The following DLG2 variants were observed in gnomAD, a reference collection of about 807,000 sequenced individuals.
DLG2 encodes the protein discs large MAGUK scaffold protein 2.
Under a neutral mutation model 132.5 loss-of-function variants are expected in DLG2, and 45 were observed. The observed-to-expected ratio is 0.34, with a 90% confidence interval of 0.27 to 0.44. The LOEUF (loss-of-function observed/expected upper bound fraction) is 0.44. Ranked by LOEUF, DLG2 falls within the 20% of genes least tolerant of loss-of-function variation. The pLI is 1.00. For missense variants in DLG2, 1,045 were observed against 1,196.9 expected (o/e 0.87, Z 1.87); for synonymous variants, 424 against 419.6 (o/e 1.01, Z -0.13).
intron 21 of DLG2, among the ~76,000 whole-genome samples, chr11:83,499,852 GATATATATAT>G (rs60890814): frequency 1.1e-3 from 69 of 61,642 alleles, no homozygotes; most frequent in Admixed American, 2.8e-3. Flanking sequence ...ACTAATAGGA[GATATATATAT>G]ATATATATAT....
intron 7 of DLG2, chr11:84,272,177 G>A (rs954709727): frequency 3.3e-6 from 1 of 299,374 alleles, no homozygotes; most frequent in South Asian, 2.8e-5. Context: ...TCAATTAGAA[G>A]AGCTTCAAAT....
At chr11:85,078,128 A>G (rs1318161903) in intron 6 of DLG2, among the ~76,000 whole-genome samples, 2 of 151,282 alleles carry the variant, frequency 1.3e-5, no homozygotes, top group Non-Finnish European at 2.9e-5. Context: ...AAACCGTGCA[A>G]AACAATATAT....
At chr11:84,413,733 G>A (rs893365641) in intron 7 of DLG2, among the ~76,000 whole-genome samples, 1 of 152,196 alleles carries the variant, frequency 6.6e-6, no homozygotes, top group Non-Finnish European at 1.5e-5. Context: ...GACATTACTT[G>A]AAAATAAGGA....
At chr11:84,452,511 C>T (rs1242595324) in intron 7 of DLG2, among the ~76,000 whole-genome samples, 3 of 151,604 alleles carry the variant, frequency 2.0e-5, no homozygotes, top group African/African-American at 7.3e-5. Flanking sequence ...AGAATTATTA[C>T]AGTTATCAAA....
At chr11:84,912,010 A>AG (rs2092103837) in intron 6 of DLG2, among the ~76,000 whole-genome samples, 1 of 152,208 alleles carries the variant, frequency 6.6e-6, no homozygotes, top group African/African-American at 2.4e-5. Flanking sequence ...CAAAGGAGTT[A>AG]GGTCCTAGCC....
At chr11:83,968,203 T>C (rs138627015) in intron 12 of DLG2, among the ~76,000 whole-genome samples, 1 of 152,340 alleles carries the variant, frequency 6.6e-6, no homozygotes, top group Non-Finnish European at 1.5e-5. Context: ...GCAGCACTAC[T>C]ATTCGTAATC....
chr11:84,415,964 C>T (rs892697132), intron 7 of DLG2, among the ~76,000 whole-genome samples: 29 of 151,960 alleles, frequency 1.9e-4, no homozygotes, highest in African/African-American at 7.0e-4. Context: ...TATTTTTTTC[C>T]TCCTTCTCTA....
At chr11:84,951,093 C>G (rs2050851370) in intron 6 of DLG2, among the ~76,000 whole-genome samples, 1 of 152,056 alleles carries the variant, frequency 6.6e-6, no homozygotes, top group Non-Finnish European at 1.5e-5. Flanking sequence ...TTAGTTTTGC[C>G]AGAAGCACAT....
chr11:84,534,685 G>C lies in DLG2; in HGVS notation c.404C>G (p.Pro135Arg), dbSNP rs1351688207. 2 of 1,613,980 alleles carry C rather than the reference G, an allele frequency of 1.2e-6. No individual in the cohort carries two copies. The highest frequency in any genetic ancestry group is 1.7e-5 in the Admixed American group (1 of 60,018). The change falls in exon 7 of 28, where the codon CCT becomes CGT. Residue 135 changes from proline to arginine, a missense_variant. Physicochemically the swap from Pro to Arg is moderately radical, Grantham distance 103 (BLOSUM62 -2). This residue lies in a region of DLG2 where 277 missense variants were observed against 238.2 expected (regional missense o/e 1.16). Transcript: ENST00000376104. ...DEDAPHDHSLPRLTHEVRGPE... is the reference protein window; with the variant it reads ...DEDAPHDHSLRRLTHEVRGPE... ...GCCTCTTACTTCGTGGGTTAGTCGA[G>C]GTAAGGAATGATCATGTGGAGCGTC...
At chr11:85,168,608 G>A (rs2078625124) in intron 4 of DLG2, among the ~76,000 whole-genome samples, 1 of 152,038 alleles carries the variant, frequency 6.6e-6, no homozygotes, top group Non-Finnish European at 1.5e-5. Flanking sequence ...GAGTAGAGGG[G>A]TCAAATGGGA....
chr11:83,654,257 A>C (rs971174309), intron 18 of DLG2, among the ~76,000 whole-genome samples: 1 of 152,146 alleles, frequency 6.6e-6, no homozygotes, highest in Non-Finnish European at 1.5e-5. Flanking sequence ...TAGGATTAGA[A>C]TAATATCAGA....
rs554277392 is a variant in DLG2 at position 84,915,542 on chromosome 11, A to G, written c.357+196119T>C. Among the ~76,000 whole-genome samples, 5 of 152,330 alleles carry G rather than the reference A, an allele frequency of 3.3e-5. No homozygotes were observed. The East Asian group carries it at 9.7e-4, about 29-fold the overall frequency. ...CTTGAGAATTCCAAACATATGCTATATGACAGTGTTTTCCAAACTTGTCTT... is the reference window on the plus strand; with the variant it reads ...CTTGAGAATTCCAAACATATGCTATGTGACAGTGTTTTCCAAACTTGTCTT... On this transcript the variant is annotated intron_variant, in intron 6 of 27. Coordinates refer to ENST00000376104, the MANE Select transcript of DLG2 (RefSeq NM_001142699.3).
intron 3 of DLG2, among the ~76,000 whole-genome samples, chr11:85,304,302 T>G (rs1392884954): frequency 6.6e-6 from 1 of 152,122 alleles, no homozygotes; most frequent in African/African-American, 2.4e-5. Flanking sequence ...ACCCTCTGCT[T>G]GCAAGGAGCC....
At chr11:83,701,813 G>T (rs1035000059) in intron 18 of DLG2, among the ~76,000 whole-genome samples, 2 of 152,122 alleles carry the variant, frequency 1.3e-5, no homozygotes, top group Non-Finnish European at 2.9e-5. Context: ...GTATGACTGG[G>T]TCCCAGAGAA....
intron 19 of DLG2, among the ~76,000 whole-genome samples, chr11:83,595,486 A>T (rs1188182866): frequency 6.6e-6 from 1 of 152,206 alleles, no homozygotes; most frequent in East Asian, 1.9e-4. Context: ...GGCAGGCTTT[A>T]ATGGCTAAAA....
intron 15 of DLG2, among the ~76,000 whole-genome samples, chr11:83,923,532 C>T (rs7947150): frequency 2.0e-3 from 310 of 152,170 alleles, no homozygotes; most frequent in African/African-American, 6.8e-3. Context: ...GTCTCCCTTC[C>T]CTCCCATTGT....
intron 11 of DLG2, among the ~76,000 whole-genome samples, chr11:84,052,687 C>CA (rs67140653): frequency 0.1 from 12,864 of 125,112 alleles, 687 homozygotes; most frequent in African/African-American, 0.16. Flanking sequence ...ATTAAAAAGT[C>CA]AAAAAAAAAA....
At chr11:83,993,585 T>C (rs1478159181) in intron 11 of DLG2, among the ~76,000 whole-genome samples, 3 of 152,162 alleles carry the variant, frequency 2.0e-5, no homozygotes, top group African/African-American at 7.2e-5. Context: ...TGACTGCTTA[T>C]GGGGCTGTAT....
At chr11:84,046,468 A>G (rs7116818) in intron 11 of DLG2, among the ~76,000 whole-genome samples, 5,501 of 151,586 alleles carry the variant, frequency 0.036, 289 homozygotes, top group African/African-American at 0.12. Context: ...AAACTCAATG[A>G]CTATTTTTAG....
Sources: gnomAD v4.1 joint callset for allele counts (sites outside exome capture counted in the v4.1 genomes callset) on GRCh38, gnomAD v4.1.1 for gene constraint, gnomAD v4.1.1 regional missense constraint, MANE v1.5 for transcripts, NCBI Gene and HGNC (gene_info 2026-07-23, HGNC 2026-07-21) for gene names.